MESD: variants seen among roughly 807,000 people sequenced by gnomAD.
The protein encoded by MESD is LRP chaperone MESD.
In MESD, 7 loss-of-function variants were observed where a neutral mutation model predicts 12.9. The observed-to-expected ratio is 0.54, with a 90% CI of 0.31 to 1.02. MESD has a LOEUF of 1.02. Ranked by LOEUF, MESD falls within the 50% of genes least tolerant of loss-of-function variation. The pLI is 0.05. For missense variants in MESD, 342 were observed against 296.7 expected, an observed-to-expected ratio of 1.15 and a Z score of -1.12; for synonymous variants, 126 against 115.6, an observed-to-expected ratio of 1.09 and a Z score of -0.58.
intron 1 of MESD, among the ~76,000 whole-genome samples, chr15:80,982,398 C>T (rs573660279): frequency 1.3e-5 from 2 of 152,258 alleles, no homozygotes; most frequent in South Asian, 2.1e-4. Context: ...AATCACAGAG[C>T]GCCCCCATGT....
At position 80,989,814 on chromosome 15, in the gene MESD, C is replaced by T; in HGVS notation, c.-23G>A. On this transcript the variant is annotated 5_prime_UTR_variant, in exon 1 of 3. Transcript: ENST00000261758. ...CATTTTCGCTGCGCCGCGCAGCGCC[C>T]TAGACGCGCTTACCCGACCTGCGCG... 1 of 1,543,482 alleles carries T rather than the reference C, an allele frequency of 6.5e-7. No homozygotes were observed. Among genetic ancestry groups the T allele is most frequent in the Non-Finnish European group, 8.7e-7 (1 of 1,150,304 alleles).
intron 3 of MESD, among the ~76,000 whole-genome samples, chr15:80,960,199 T>C (rs752560693): frequency 2.0e-4 from 31 of 151,912 alleles, no homozygotes; most frequent in Non-Finnish European, 1.0e-4. Context: ...ACCCCATCTC[T>C]ACAAAAAACA....
At chr15:80,983,718 C>T (rs1310518868) in intron 1 of MESD, among the ~76,000 whole-genome samples, 1 of 152,000 alleles carries the variant, frequency 6.6e-6, no homozygotes, top group African/African-American at 2.4e-5. Flanking sequence ...CTCAAAGAAT[C>T]GTGAACATGT....
At chr15:80,983,278 C>A (rs1339180804) in intron 1 of MESD, among the ~76,000 whole-genome samples, 1 of 151,946 alleles carries the variant, frequency 6.6e-6, no homozygotes, top group Non-Finnish European at 1.5e-5. Flanking sequence ...AATACTCCCT[C>A]TTTGCACTGT....
chr15:80,989,322 G>A (rs1283708170), intron 1 of MESD, among the ~76,000 whole-genome samples: 1 of 152,198 alleles, frequency 6.6e-6, no homozygotes, highest in Non-Finnish European at 1.5e-5. Context: ...GGGCAGATCC[G>A]TGATTGAAGT....
chr15:80,983,248 A>C (rs1487302721), intron 1 of MESD, among the ~76,000 whole-genome samples: 1 of 104,796 alleles, frequency 9.5e-6, no homozygotes, highest in Non-Finnish European at 2.0e-5. Context: ...GTCTTAAAAG[A>C]AAAAAAAAAA....
chr15:80,966,361 T>A (rs1002215012), intron 3 of MESD, among the ~76,000 whole-genome samples: 3 of 152,242 alleles, frequency 2.0e-5, no homozygotes, highest in Admixed American at 2.0e-4. Context: ...AAATAAATTA[T>A]GGCCTCATTT....
chr15:80,952,175 C>T (rs141670547), exon 4 of MESD: 492 of 456,178 alleles, frequency 1.1e-3, no homozygotes, highest in Non-Finnish European at 1.7e-3. Context: ...GGCTGGAGGC[C>T]AAACACGTTT....
intron 4 of MESD, chr15:80,950,512 G>T (rs939217333): frequency 1.3e-5 from 2 of 152,288 alleles, no homozygotes; most frequent in Non-Finnish European, 2.9e-5. Flanking sequence ...CCTTCACTTT[G>T]TTCACTACCT....
exon 4 of MESD, chr15:80,951,979 G>T (rs576713234): frequency 6.2e-6 from 2 of 322,754 alleles, no homozygotes; most frequent in Non-Finnish European, 1.2e-5. Flanking sequence ...CCCAAGGCGG[G>T]GTGTCCATAA....
chr15:80,962,856 T>C (rs1251291379), intron 3 of MESD, among the ~76,000 whole-genome samples: 1 of 152,190 alleles, frequency 6.6e-6, no homozygotes, highest in East Asian at 1.9e-4. Flanking sequence ...GGGAAATTGA[T>C]ACCACTAAAT....
chr15:80,951,368 T>G (rs1901817878), intron 4 of MESD: 1 of 152,624 alleles, frequency 6.6e-6, no homozygotes, highest in Admixed American at 6.5e-5. Flanking sequence ...CTAGGCATTT[T>G]CTTGGTAGCA....
chr15:80,981,174 ACAC>A (rs1902565341), intron 2 of MESD, among the ~76,000 whole-genome samples: 1 of 151,766 alleles, frequency 6.6e-6, no homozygotes, highest in Non-Finnish European at 1.5e-5. Context: ...GCAGTGGCTC[ACAC>A]CTGTAATCCT....
At chr15:80,948,969 G>T in intron 4 of MESD, 1 of 1,613,130 alleles carries the variant, frequency 6.2e-7, no homozygotes, top group South Asian at 1.1e-5. Context: ...CTATGACGGT[G>T]ACTCTTGGCA....
At chr15:80,948,828 C>T (rs1208276076) in exon 5 of MESD, 1 of 1,614,114 alleles carries the variant, frequency 6.2e-7, no homozygotes, top group East Asian at 2.2e-5. Flanking sequence ...TCAAAGGCAG[C>T]TTCCGGCCCA....
intron 1 of MESD, 133 bp from the exon 2 acceptor site, chr15:80,982,315 G>A (rs1902604077): frequency 1.5e-6 from 1 of 688,046 alleles, no homozygotes; most frequent in Non-Finnish European, 2.4e-6. Context: ...AAAACCAGGG[G>A]TTTTCTTCCT....
At chr15:80,988,741 C>T (rs1798139555) in intron 1 of MESD, among the ~76,000 whole-genome samples, 1 of 152,204 alleles carries the variant, frequency 6.6e-6, no homozygotes, top group Non-Finnish European at 1.5e-5. Context: ...ATCCTAACCT[C>T]CTCATGTTGC....
chr15:80,952,180 A>C, exon 4 of MESD: 1 of 456,260 alleles, frequency 2.2e-6, no homozygotes, highest in Non-Finnish European at 4.4e-6. Context: ...GAGGCCAAAC[A>C]CGTTTGACAA....
chr15:80,989,215 T>C (rs931501422), intron 1 of MESD, among the ~76,000 whole-genome samples: 2 of 152,176 alleles, frequency 1.3e-5, no homozygotes, highest in Non-Finnish European at 2.9e-5. Context: ...TTGGGAAAGG[T>C]CACTCTCCCT....
Sources: gnomAD v4.1 joint callset for allele counts (sites outside exome capture counted in the v4.1 genomes callset) on GRCh38, gnomAD v4.1.1 for gene constraint, MANE v1.5 for transcripts, NCBI Gene and HGNC (gene_info 2026-07-23, HGNC 2026-07-21) for gene names.